Variants in PTPRR observed in about 807,000 individuals in gnomAD.
PTPRR encodes receptor-type tyrosine-protein phosphatase R.
In PTPRR, 38 loss-of-function variants were observed where a neutral mutation model predicts 77.2. The ratio of observed to expected loss-of-function variants is 0.49; its 90% CI spans 0.38 to 0.65. The LOEUF (loss-of-function observed/expected upper bound fraction) is 0.65. Among genes scored for constraint, PTPRR ranks in the 30% least tolerant of loss-of-function variants. The probability of loss-of-function intolerance (pLI) is 0.00; values close to 1 mark genes in which losing one functional copy is unlikely to be tolerated. For missense variants in PTPRR, 744 were observed against 799.2 expected (o/e 0.93, Z 0.83); for synonymous variants, 299 against 283.1 (o/e 1.06, Z -0.57).
intron 6 of PTPRR, among the ~76,000 whole-genome samples, chr12:70,739,986 A>T (rs1428380538): frequency 2.0e-5 from 3 of 152,148 alleles, no homozygotes; most frequent in Non-Finnish European, 4.4e-5. Context: ...ATGGTATAGG[A>T]CATCTGAGGC....
intron 6 of PTPRR, among the ~76,000 whole-genome samples, chr12:70,730,678 A>G (rs1007254597): frequency 1.3e-5 from 2 of 152,014 alleles, no homozygotes; most frequent in Non-Finnish European, 2.9e-5. Context: ...AAAAGAATTA[A>G]CTGGACATGG....
At chr12:70,730,893 G>GGAAGGAGAGAGAGAGACAGAGAAT (rs1270390930) in intron 6 of PTPRR, among the ~76,000 whole-genome samples, 2 of 149,716 alleles carry the variant, frequency 1.3e-5, no homozygotes, top group African/African-American at 4.9e-5. Flanking sequence ...AGAGGAGGGA[G>GGAAGGAGAGAGAGAGACAGAGAAT]GAAGGAGAGA....
At chr12:70,672,342 A>G in intron 10 of PTPRR, 1 of 1,495,172 alleles carries the variant, frequency 6.7e-7, no homozygotes, top group Non-Finnish European at 9.3e-7. Context: ...TCCATTGTGG[A>G]GCCCTATGAT....
At chr12:70,694,489 C>T (rs543081206) in intron 8 of PTPRR, among the ~76,000 whole-genome samples, 1 of 152,262 alleles carries the variant, frequency 6.6e-6, no homozygotes, top group South Asian at 2.1e-4. Context: ...AGAACAAAAT[C>T]ATGTCCTTTG....
At chr12:70,758,514 T>A (rs1000823865) in intron 4 of PTPRR, among the ~76,000 whole-genome samples, 2 of 152,188 alleles carry the variant, frequency 1.3e-5, no homozygotes, top group African/African-American at 2.4e-5. Context: ...TAAAAGCTTA[T>A]GGGAAGCAGG....
chr12:70,641,284 GTGCTCCACCTCTTAGGC>G (rs1885988465), intron 13 of PTPRR, among the ~76,000 whole-genome samples: 1 of 152,164 alleles, frequency 6.6e-6, no homozygotes. Context: ...AAGCTTCTAT[GTGCTCCACCTCTTAGGC>G]TCTGGTCTGT....
chr12:70,902,546 A>G (rs1170762763), intron 1 of PTPRR, among the ~76,000 whole-genome samples: 3 of 151,730 alleles, frequency 2.0e-5, no homozygotes, highest in Non-Finnish European at 4.4e-5. Context: ...ATGGAATACT[A>G]CTCAGCCATA....
Position 70,662,561 on chromosome 12 carries a change from T to C in PTPRR, c.1542A>G (p.Lys514=), listed in dbSNP as rs986383250. 4.3e-6 allele frequency: 7 copies of C among 1,612,538 alleles called. No individual in the cohort carries two copies. Among genetic ancestry groups the C allele is most frequent in the Non-Finnish European group, 5.9e-6 (7 of 1,179,024 alleles). The stretch of plus-strand genomic sequence containing the variant: ...TTACACTGATAACCAGAACCTCAAC[T>C]TTTCCATATATCCCTCTCTTTTCCG... ...YWPEKRGIYG[K]VEVLVISVNE... The change falls in exon 11 of 14, where the codon AAA becomes AAG. Residue 514 remains lysine (K), a synonymous_variant. Transcript: ENST00000283228.
intron 2 of PTPRR, among the ~76,000 whole-genome samples, chr12:70,862,661 A>G (rs1164339154): frequency 6.6e-6 from 1 of 151,570 alleles, no homozygotes; most frequent in East Asian, 2.0e-4. Flanking sequence ...TAATGGGTGC[A>G]GCACACCAGC....
At chr12:70,792,199 A>AAAGC (rs2137010745) in intron 2 of PTPRR, among the ~76,000 whole-genome samples, 1 of 152,328 alleles carries the variant, frequency 6.6e-6, no homozygotes, top group South Asian at 2.1e-4. Flanking sequence ...ATTGATTGAG[A>AAAGC]AAGCTTCTAA....
chr12:70,710,983 C>G (rs2136813603), intron 6 of PTPRR, among the ~76,000 whole-genome samples: 1 of 152,220 alleles, frequency 6.6e-6, no homozygotes, highest in South Asian at 2.1e-4. Flanking sequence ...TTGTGAAAGA[C>G]ACGGTGGCAA....
chr12:70,669,557 T>TACACAC (rs1428335906), intron 10 of PTPRR, among the ~76,000 whole-genome samples: 1 of 100,918 alleles, frequency 9.9e-6, no homozygotes, highest in Non-Finnish European at 1.8e-5. Context: ...ATATATATGT[T>TACACAC]ATACACACAC....
chr12:70,773,476 T>C (rs534740994), intron 2 of PTPRR, among the ~76,000 whole-genome samples: 1 of 152,212 alleles, frequency 6.6e-6, no homozygotes, highest in South Asian at 2.1e-4. Flanking sequence ...ACTGGTTCCC[T>C]GGGTGTTCAT....
chr12:70,652,937 A>G (rs1315993650), intron 13 of PTPRR, among the ~76,000 whole-genome samples: 1 of 152,162 alleles, frequency 6.6e-6, no homozygotes, highest in Non-Finnish European at 1.5e-5. Context: ...AATTAATGGT[A>G]ACATAACAAG....
chr12:70,877,120 G>A (rs934687006), intron 2 of PTPRR, among the ~76,000 whole-genome samples: 2 of 152,168 alleles, frequency 1.3e-5, no homozygotes, highest in Admixed American at 6.5e-5. Context: ...CAACAAAGCA[G>A]ACACTCAGGC....
At chr12:70,802,331 A>C (rs2137021342) in intron 2 of PTPRR, among the ~76,000 whole-genome samples, 1 of 152,338 alleles carries the variant, frequency 6.6e-6, no homozygotes, top group African/African-American at 2.4e-5. Context: ...ATACTGTCTC[A>C]TTTACTCTAT....
intron 2 of PTPRR, among the ~76,000 whole-genome samples, chr12:70,797,952 G>A (rs527532035): frequency 2.0e-5 from 3 of 152,122 alleles, no homozygotes; most frequent in African/African-American, 7.2e-5. Flanking sequence ...CATTCTATGT[G>A]CTGATATTTT....
intron 2 of PTPRR, among the ~76,000 whole-genome samples, chr12:70,879,022 T>C (rs1476593535): frequency 6.6e-6 from 1 of 152,074 alleles, no homozygotes; most frequent in East Asian, 1.9e-4. Flanking sequence ...AAACACCACA[T>C]GTTCTCACTC....
At chr12:70,762,339 GATA>G (rs1890711955) in intron 3 of PTPRR, among the ~76,000 whole-genome samples, 1 of 151,872 alleles carries the variant, frequency 6.6e-6, no homozygotes, top group South Asian at 2.1e-4. Context: ...CATGGCGATT[GATA>G]ATATTATCTT....
Sources: allele counts gnomAD v4.1 joint callset (sites outside exome capture counted in the v4.1 genomes callset), GRCh38; gene constraint gnomAD v4.1.1; transcripts MANE v1.5; gene names NCBI Gene and HGNC (gene_info 2026-07-23, HGNC 2026-07-21).